HS3ST5: variants seen among roughly 807,000 people sequenced by gnomAD.
HS3ST5 encodes heparan sulfate glucosamine 3-O-sulfotransferase 5.
A neutral mutation model predicts 25.4 loss-of-function variants in HS3ST5; 10 were observed. The ratio of observed to expected loss-of-function variants is 0.39; its 90% CI spans 0.24 to 0.67. HS3ST5 has a LOEUF of 0.67. Ranked by LOEUF, HS3ST5 falls within the 30% of genes least tolerant of loss-of-function variation. The pLI is 0.44. For synonymous variants in HS3ST5, 170 were observed against 162.4 expected (o/e 1.05, Z -0.36); for missense variants, 324 against 420.7 (o/e 0.77, Z 2.01).
At chr6:114,129,659 G>A (rs1471049986) in intron 3 of HS3ST5, among the ~76,000 whole-genome samples, 3 of 152,148 alleles carry the variant, frequency 2.0e-5, no homozygotes, top group Admixed American at 1.3e-4. Flanking sequence ...AAATTCTCTG[G>A]GGTGGAGAGA....
intron 2 of HS3ST5, among the ~76,000 whole-genome samples, chr6:114,196,506 G>T (rs1448925885): frequency 6.6e-6 from 1 of 152,038 alleles, no homozygotes; most frequent in Non-Finnish European, 1.5e-5. Flanking sequence ...TTTACTCTTT[G>T]AAAGGGCAAA....
At chr6:114,214,770 A>G (rs1781673734) in intron 2 of HS3ST5, among the ~76,000 whole-genome samples, 1 of 152,190 alleles carries the variant, frequency 6.6e-6, no homozygotes, top group Non-Finnish European at 1.5e-5. Context: ...GCCCCAGAAC[A>G]AGAATCACTG....
chr6:114,103,854 C>A (rs1775857823), intron 3 of HS3ST5, among the ~76,000 whole-genome samples: 1 of 51,434 alleles, frequency 1.9e-5, no homozygotes, highest in South Asian at 6.0e-4. Context: ...CCACACCTGG[C>A]TAATTTTTTT....
At chr6:114,172,344 A>T (rs538851616) in intron 2 of HS3ST5, among the ~76,000 whole-genome samples, 1 of 152,352 alleles carries the variant, frequency 6.6e-6, no homozygotes, top group South Asian at 2.1e-4. Context: ...TATGAGTAAC[A>T]CATACAAATA....
At chr6:114,167,729 T>C (rs1779282963) in intron 3 of HS3ST5, 1 of 152,168 alleles carries the variant, frequency 6.6e-6, no homozygotes, top group Admixed American at 6.5e-5. Context: ...AAGAAACAGT[T>C]GTTATAGCAA....
intron 2 of HS3ST5, among the ~76,000 whole-genome samples, chr6:114,189,327 A>C (rs1780384110): frequency 6.6e-6 from 1 of 151,922 alleles, no homozygotes; most frequent in African/African-American, 2.4e-5. Flanking sequence ...CTTTGTCCTC[A>C]GTGTTGTAAA....
intron 1 of HS3ST5, among the ~76,000 whole-genome samples, chr6:114,278,080 C>CTCATGACTGACAGCTGCTTCCTGACAT (rs1773941394): frequency 6.6e-6 from 1 of 151,956 alleles, no homozygotes; most frequent in Non-Finnish European, 1.5e-5. Context: ...AACACTGCCA[C>CTCATGACTGACAGCTGCTTCCTGACAT]TCATGACTGA....
intron 1 of HS3ST5, among the ~76,000 whole-genome samples, chr6:114,242,777 C>T (rs959660626): frequency 8.1e-5 from 12 of 149,060 alleles, no homozygotes; most frequent in African/African-American, 2.5e-4. Flanking sequence ...GGCGTGAACC[C>T]GGGAAGCGGA....
intron 2 of HS3ST5, among the ~76,000 whole-genome samples, chr6:114,214,593 C>T (rs944350597): frequency 2.6e-5 from 4 of 152,220 alleles, no homozygotes; most frequent in Non-Finnish European, 1.5e-5. Context: ...TCCTTAACTG[C>T]ACGTCAGAAA....
chr6:114,272,825 C>T (rs142453866), intron 1 of HS3ST5, among the ~76,000 whole-genome samples: 50 of 152,136 alleles, frequency 3.3e-4, no homozygotes, highest in African/African-American at 1.1e-3. Context: ...AGGCATCAGC[C>T]GGTGCAAAGG....
intron 3 of HS3ST5, among the ~76,000 whole-genome samples, chr6:114,148,162 G>T (rs1443627689): frequency 6.6e-6 from 1 of 152,090 alleles, no homozygotes; most frequent in Non-Finnish European, 1.5e-5. Flanking sequence ...TGACAAACCT[G>T]ACAAAAACAA....
At chr6:114,103,148 C>T (rs1009927675) in intron 3 of HS3ST5, among the ~76,000 whole-genome samples, 3 of 152,116 alleles carry the variant, frequency 2.0e-5, no homozygotes, top group African/African-American at 7.2e-5. Context: ...TTCTTCTTCC[C>T]TAGCAGTGTT....
At chr6:114,301,328 G>T (rs1316335236) in intron 1 of HS3ST5, among the ~76,000 whole-genome samples, 1 of 152,120 alleles carries the variant, frequency 6.6e-6, no homozygotes, top group African/African-American at 2.4e-5. Flanking sequence ...GTCATTCATA[G>T]GACACACTAG....
At chr6:114,119,646 G>T (rs1486010510) in intron 3 of HS3ST5, among the ~76,000 whole-genome samples, 1 of 152,040 alleles carries the variant, frequency 6.6e-6, no homozygotes, top group East Asian at 1.9e-4. Flanking sequence ...ATTTTAAAAG[G>T]GTTTGGAACT....
chr6:114,064,579 A>G (rs1306853012), intron 3 of HS3ST5, among the ~76,000 whole-genome samples: 2 of 152,218 alleles, frequency 1.3e-5, no homozygotes, highest in African/African-American at 4.8e-5. Flanking sequence ...TCCAACACAC[A>G]GTTGACAAAT....
chr6:114,145,168 G>A (rs1396698227), intron 3 of HS3ST5, among the ~76,000 whole-genome samples: 3 of 152,278 alleles, frequency 2.0e-5, no homozygotes, highest in South Asian at 2.1e-4. Context: ...ATTCCTACAA[G>A]CCCCGGAGGC....
At chr6:114,164,286 A>G (rs1779107241) in intron 3 of HS3ST5, among the ~76,000 whole-genome samples, 1 of 152,202 alleles carries the variant, frequency 6.6e-6, no homozygotes, top group Non-Finnish European at 1.5e-5. Flanking sequence ...ACTGAGGACT[A>G]TACCCCCAAA....
intron 1 of HS3ST5, among the ~76,000 whole-genome samples, chr6:114,290,836 AT>A (rs35506270): frequency 1.0e-3 from 154 of 150,470 alleles, no homozygotes; most frequent in Non-Finnish European, 1.5e-3. Flanking sequence ...TTGTGTTACT[AT>A]TTTTTTTTTA....
chr6:114,138,608 C>T (rs997514779), intron 3 of HS3ST5, among the ~76,000 whole-genome samples: 1 of 152,162 alleles, frequency 6.6e-6, no homozygotes, highest in Non-Finnish European at 1.5e-5. Flanking sequence ...GAAAATATGA[C>T]ACTTGACAGT....
Sources: gnomAD v4.1 joint callset for allele counts (sites outside exome capture counted in the v4.1 genomes callset) on GRCh38, gnomAD v4.1.1 for gene constraint, MANE v1.5 for transcripts, NCBI Gene and HGNC (gene_info 2026-07-23, HGNC 2026-07-21) for gene names.